BUD13: variants seen among roughly 807,000 people sequenced by gnomAD.
BUD13 encodes BUD13 spliceosome associated protein, also known as BUD13 homolog.
A neutral mutation model predicts 62.5 loss-of-function variants in BUD13; 47 were observed. The observed-to-expected ratio is 0.75, with a 90% CI of 0.60 to 0.96. BUD13 has a LOEUF of 0.96. BUD13 is among the 40% of genes least tolerant of loss of function. The pLI is 0.00. For synonymous variants in BUD13, 293 were observed against 280.1 expected (o/e 1.05, Z -0.46); for missense variants, 821 against 790.9 (o/e 1.04, Z -0.46).
At chr11:116,756,238 G>A (rs979610587) in intron 9 of BUD13, among the ~76,000 whole-genome samples, 6 of 151,900 alleles carry the variant, frequency 3.9e-5, no homozygotes, top group African/African-American at 1.5e-4. Context: ...CTGTAATCCT[G>A]TAATCCTGTA....
intron 5 of BUD13, among the ~76,000 whole-genome samples, 200 bp downstream of exon 5, chr11:116,760,535 C>T (rs1175139283): frequency 3.3e-5 from 5 of 152,216 alleles, no homozygotes; most frequent in Non-Finnish European, 7.3e-5. Context: ...CTTGGGAAAT[C>T]TGGTATCTGT....
At chr11:116,756,380 C>G (rs1215517454) in intron 9 of BUD13, among the ~76,000 whole-genome samples, 1 of 151,804 alleles carries the variant, frequency 6.6e-6, no homozygotes, top group Non-Finnish European at 1.5e-5. Flanking sequence ...GGTGTGGCAG[C>G]GGGCGCCGGT....
intron 1 of BUD13, among the ~76,000 whole-genome samples, 160 bp from the exon 2 acceptor site, chr11:116,770,382 T>C (rs1168105923): frequency 1.3e-5 from 2 of 152,252 alleles, no homozygotes; most frequent in Non-Finnish European, 2.9e-5. Context: ...ACTTCCTTGG[T>C]TGAACACCTC....
intron 3 of BUD13, 31 bp from the exon 4 acceptor site, chr11:116,763,297 C>A: frequency 6.6e-7 from 1 of 1,513,432 alleles, no homozygotes; most frequent in South Asian, 1.3e-5. Context: ...GTCAGATTCC[C>A]ACAAATGCTC....
chr11:116,763,168 T>A lies in BUD13; in HGVS notation c.421A>T (p.Arg141Trp), dbSNP rs1245960374. The change falls in exon 4 of 10, where the codon AGG becomes TGG. Residue 141 changes from arginine to tryptophan, a missense_variant. Physicochemically the swap from Arg to Trp is moderately radical, Grantham distance 101. Around this residue, in one of 2 missense-constraint regions of BUD13, gnomAD observed 800 missense variants for 739.2 expected, o/e 1.08. Transcript: ENST00000260210. ...TCCGGGGTGTCATGACGGTCCTTCC[T>A]AGGAGATGGATCTGGGGTACCATGA... ...VRHGTPDPSP[R>W]KDRHDTPDPS... 4 of 1,602,198 alleles carry A rather than the reference T, an allele frequency of 2.5e-6. No homozygotes were observed. The South Asian group carries it at 4.5e-5, about 18-fold the overall frequency.
At chr11:116,760,370 A>G (rs1940407916) in intron 5 of BUD13, among the ~76,000 whole-genome samples, 1 of 152,252 alleles carries the variant, frequency 6.6e-6, no homozygotes, top group Non-Finnish European at 1.5e-5. Context: ...TGGCAGAAGG[A>G]GAATTTCTGT....
chr11:116,758,501 A>G, intron 6 of BUD13, 94 bp from the exon 7 acceptor site: 1 of 1,421,348 alleles, frequency 7.0e-7, no homozygotes, highest in East Asian at 2.4e-5. Flanking sequence ...AATGCTAGAT[A>G]AGAACTTCTG....
At chr11:116,751,907 T>C (rs559804134) in intron 9 of BUD13, among the ~76,000 whole-genome samples, 19 of 152,244 alleles carry the variant, frequency 1.2e-4, no homozygotes, top group African/African-American at 4.6e-4. Context: ...CTCAGGGAAA[T>C]TGCATGACTC....
intron 4 of BUD13, 24 bp downstream of exon 4, chr11:116,762,529 T>G (rs748793834): frequency 9.1e-6 from 14 of 1,533,644 alleles, no homozygotes; most frequent in Non-Finnish European, 1.1e-5. Flanking sequence ...CATACATCCC[T>G]CTCATGGACA....
chr11:116,767,386 G>C (rs1239301884), intron 2 of BUD13, among the ~76,000 whole-genome samples: 1 of 151,738 alleles, frequency 6.6e-6, no homozygotes, highest in African/African-American at 2.4e-5. Context: ...GAAGTTAGGA[G>C]ATCAAGATCA....
At position 116,762,603 on chromosome 11, in the gene BUD13, T is replaced by A; in HGVS notation, c.986A>T (p.Lys329Ile). 1 of 1,613,232 alleles carries A rather than the reference T, an allele frequency of 6.2e-7. No homozygotes were observed. The highest frequency in any genetic ancestry group is 8.5e-7 in the Non-Finnish European group (1 of 1,179,778). ...EYDPDISPPR[K>I]KQAKSHFGDK... The stretch of plus-strand genomic sequence containing the variant: ...TCCAAAATGGGATTTTGCTTGCTTT[T>A]TTCGTGGAGGAGAGATGTCAGGGTC... Residue 329 changes from lysine (K) to isoleucine (I), a missense_variant, in exon 4 of 10, where the codon AAA becomes ATA. Transcript: ENST00000260210.
rs1487500973 is a variant in BUD13 at position 116,748,567 on chromosome 11, C to A, written c.1775G>T (p.Gly592Val). The change falls in exon 10 of 10, where the codon GGA (glycine) becomes GTA (valine). Residue 592 changes from glycine to valine, a missense_variant. Gly to Val is a moderately radical substitution (Grantham distance 109). Transcript: ENST00000260210. ...YRWDGVDRSNGFEQKRFARLA... is the reference protein window; with the variant it reads ...YRWDGVDRSNVFEQKRFARLA... ...CCTGGCAAAGCGCTTCTGTTCAAAT[C>A]CATTGGATCTGCAATCAAAAGAGAC... is the stretch of plus-strand genomic sequence containing the variant. 6.2e-7 allele frequency: 1 copy of A among 1,614,212 alleles called. No homozygotes were observed. Among genetic ancestry groups the A allele is most frequent in the South Asian group, 1.1e-5 (1 of 91,082 alleles).
chr11:116,766,990 C>A lies in BUD13; in HGVS notation c.238-1544G>T, dbSNP rs868465333. Among the ~76,000 whole-genome samples the A allele has an allele frequency of 6.7e-5, 10 of 150,324 alleles. No individual in the cohort carries two copies. The Middle Eastern group carries it at 0.014, about 216-fold the overall frequency. ...ATTGCTTGAGCCCAGGAGTTCATGACCAGCCTAGGCAACACGGTGAAACCC... is the reference window on the plus strand; with the variant it reads ...ATTGCTTGAGCCCAGGAGTTCATGAACAGCCTAGGCAACACGGTGAAACCC... On this transcript the variant is annotated intron_variant, in intron 2 of 9. Coordinates refer to ENST00000260210, the MANE Select transcript of BUD13 (RefSeq NM_032725.4).
chr11:116,754,247 A>G (rs1940288229), intron 9 of BUD13, among the ~76,000 whole-genome samples: 1 of 152,128 alleles, frequency 6.6e-6, no homozygotes, highest in African/African-American at 2.4e-5. Context: ...GGGTTTTGCC[A>G]TGTTGCCCAG....
chr11:116,757,192 T>G lies in BUD13; in HGVS notation c.1720A>C (p.Asn574His). The G allele has an allele frequency of 6.2e-7, 1 of 1,614,208 alleles. No individual in the cohort carries two copies. The highest frequency in any genetic ancestry group is 8.5e-7 in the Non-Finnish European group (1 of 1,180,012). The change falls in exon 9 of 10, where the codon AAC becomes CAC. Residue 574 changes from asparagine (N) to histidine (H), a missense_variant. This residue lies in a region of BUD13 where 800 missense variants were observed against 739.2 expected (regional missense o/e 1.08). Transcript: ENST00000260210. Reference protein sequence around the residue: ...PRYSGPAPPPNRFNIWPGYRW... With the variant: ...PRYSGPAPPPHRFNIWPGYRW... Reference sequence around the variant, plus strand: ...TATCCAGGCCAGATATTAAATCTGTTGGGAGGAGGTGCTGGACCACTGTAG... The same window carrying G: ...TATCCAGGCCAGATATTAAATCTGTGGGGAGGAGGTGCTGGACCACTGTAG...
Position 116,762,933 on chromosome 11 carries a change from C to T in BUD13, c.656G>A (p.Arg219His), listed in dbSNP as rs772241373. 4.3e-6 allele frequency: 7 copies of T among 1,614,000 alleles called. No individual in the cohort carries two copies. Among genetic ancestry groups the T allele is most frequent in the South Asian group, 1.1e-5 (1 of 91,078 alleles). The change falls in exon 4 of 10, where the codon CGT becomes CAT. Residue 219 changes from arginine (R) to histidine (H), a missense_variant. Arg to His is a conservative substitution (Grantham distance 29). Coordinates refer to ENST00000260210, the MANE Select transcript of BUD13 (RefSeq NM_032725.4). ...AGGAGAGGGATCTGGTGAATCATGA[C>T]GGACTCTCCTAGGAGATGCACCTGA... The part of the protein sequence containing the change: ...NSSGASPRRV[R>H]HDSPDPSPPR...
At chr11:116,768,472 G>A (rs924560815) in intron 2 of BUD13, among the ~76,000 whole-genome samples, 1 of 152,072 alleles carries the variant, frequency 6.6e-6, no homozygotes, top group Non-Finnish European at 1.5e-5. Flanking sequence ...ATGCATCCAA[G>A]TATTAGCAGT....
chr11:116,755,158 A>G (rs1249958229), intron 9 of BUD13, among the ~76,000 whole-genome samples: 2 of 152,246 alleles, frequency 1.3e-5, no homozygotes, highest in Non-Finnish European at 2.9e-5. Context: ...GGGAAATCTC[A>G]GCAGAGAAAT....
At chr11:116,753,950 A>G (rs1039399294) in intron 9 of BUD13, among the ~76,000 whole-genome samples, 1 of 152,252 alleles carries the variant, frequency 6.6e-6, no homozygotes, top group African/African-American at 2.4e-5. Flanking sequence ...ACACTACCTT[A>G]TATAGCTACA....
Sources: gnomAD v4.1 joint callset for allele counts (sites outside exome capture counted in the v4.1 genomes callset) on GRCh38, gnomAD v4.1.1 for gene constraint, gnomAD v4.1.1 regional missense constraint, MANE v1.5 for transcripts, NCBI Gene and HGNC (gene_info 2026-07-23, HGNC 2026-07-21) for gene names.